The following WDPCP variants were observed in gnomAD, a reference collection of about 807,000 sequenced individuals.
The protein encoded by WDPCP is WD repeat containing planar cell polarity effector.
A neutral mutation model predicts 93.1 loss-of-function variants in WDPCP; 71 were observed. The observed-to-expected ratio is 0.76, with a 90% confidence interval of 0.63 to 0.93. The LOEUF is 0.93. Ranked by LOEUF, WDPCP falls within the 40% of genes least tolerant of loss-of-function variation. WDPCP has a pLI of 0.00. For missense variants in WDPCP, 844 were observed against 887.4 expected (o/e 0.95, Z 0.62); for synonymous variants, 315 against 315.0 (o/e 1.00, Z 0.00).
intron 12 of WDPCP, among the ~76,000 whole-genome samples, chr2:63,350,975 AT>A (rs1275587125): frequency 3.0e-5 from 2 of 66,284 alleles, no homozygotes; most frequent in Admixed American, 1.8e-4. Context: ...ATCAACATTT[AT>A]TTATTATTAT....
At position 63,313,254 on chromosome 2, in the gene WDPCP, G is replaced by A; in HGVS notation, c.1806C>T (p.Leu602=). The A allele has an allele frequency of 1.9e-6, 3 of 1,613,530 alleles. No individual in the cohort carries two copies. In the South Asian group the frequency reaches 3.3e-5, roughly 18 times the overall value. ...ATCTCTGAAAATGACTCACCATAAA[G>A]AGGTCACGAGCACCAACGTCAACAG... ...LLAVDVGARD[L]FMDIHYLALD... is the part of the protein sequence containing the mutation. The change falls in exon 13 of 18, where the codon CTC becomes CTT. Residue 602 remains leucine, a synonymous_variant. Coordinates refer to ENST00000272321, the MANE Select transcript of WDPCP (RefSeq NM_015910.7).
chr2:63,247,932 A>T (rs1680417771), intron 14 of WDPCP, among the ~76,000 whole-genome samples: 1 of 151,476 alleles, frequency 6.6e-6, no homozygotes, highest in South Asian at 2.1e-4. Flanking sequence ...CTCGATAGTT[A>T]TTTTCTCTGT....
intron 6 of WDPCP, among the ~76,000 whole-genome samples, chr2:63,480,056 T>C (rs1478885188): frequency 1.3e-5 from 2 of 151,974 alleles, no homozygotes; most frequent in African/African-American, 2.4e-5. Context: ...AATTAATGTA[T>C]ACAATCAGTA....
intron 1 of WDPCP, among the ~76,000 whole-genome samples, chr2:63,530,035 C>A (rs1424586331): frequency 6.6e-6 from 1 of 152,086 alleles, no homozygotes; most frequent in South Asian, 2.1e-4. Context: ...TCTGTGGGAT[C>A]GGTGGTGATA....
intron 6 of WDPCP, among the ~76,000 whole-genome samples, chr2:63,477,506 G>T (rs1195637259): frequency 6.6e-6 from 1 of 152,052 alleles, no homozygotes; most frequent in Non-Finnish European, 1.5e-5. Flanking sequence ...ATTCTGGGAG[G>T]TAGAAGGAAA....
intron 2 of WDPCP, among the ~76,000 whole-genome samples, chr2:63,661,540 T>C (rs1208495078): frequency 1.3e-5 from 2 of 152,212 alleles, no homozygotes; most frequent in Admixed American, 6.5e-5. Context: ...AGAATGAACA[T>C]ACTTGCTGTA....
chr2:63,709,691 G>T (rs1047027821), intron 2 of WDPCP, among the ~76,000 whole-genome samples: 4 of 152,102 alleles, frequency 2.6e-5, no homozygotes, highest in South Asian at 2.1e-4. Flanking sequence ...TTATTGTCCT[G>T]AAAGTTCTCA....
chr2:63,161,359 G>A (rs2103894924), intron 15 of WDPCP, among the ~76,000 whole-genome samples: 1 of 152,264 alleles, frequency 6.6e-6, no homozygotes, highest in East Asian at 1.9e-4. Context: ...CTGAAAGTCT[G>A]AATTTCTTAA....
At chr2:63,687,606 G>T (rs1380973130) in intron 2 of WDPCP, among the ~76,000 whole-genome samples, 1 of 152,116 alleles carries the variant, frequency 6.6e-6, no homozygotes, top group East Asian at 1.9e-4. Flanking sequence ...TTCATCATCA[G>T]CAAAATGCAA....
At chr2:63,448,936 G>A (rs1226946305) in intron 6 of WDPCP, among the ~76,000 whole-genome samples, 1 of 152,042 alleles carries the variant, frequency 6.6e-6, no homozygotes, top group African/African-American at 2.4e-5. Flanking sequence ...GAGATCTATA[G>A]TACAACACAG....
At chr2:63,422,479 TAAAC>T (rs1475688107) in intron 9 of WDPCP, among the ~76,000 whole-genome samples, 3 of 152,110 alleles carry the variant, frequency 2.0e-5, no homozygotes, top group African/African-American at 7.2e-5. Flanking sequence ...AAATAGAAAA[TAAAC>T]AGACATTTGT....
chr2:63,571,506 G>C, intron 1 of WDPCP: 1 of 469,102 alleles, frequency 2.1e-6, no homozygotes, highest in South Asian at 1.6e-5. Context: ...TTGTTTATTC[G>C]GTGATACTCC....
At chr2:63,775,809 C>A (rs1273842879) in intron 2 of WDPCP, among the ~76,000 whole-genome samples, 5 of 152,282 alleles carry the variant, frequency 3.3e-5, no homozygotes, top group African/African-American at 1.2e-4. Context: ...ACATCAAAAT[C>A]ATCTTTGAAG....
At chr2:63,273,291 A>G (rs1425777122) in intron 13 of WDPCP, among the ~76,000 whole-genome samples, 1 of 152,190 alleles carries the variant, frequency 6.6e-6, no homozygotes, top group Non-Finnish European at 1.5e-5. Flanking sequence ...ACCACCATGA[A>G]AACACATAAA....
At chr2:63,497,443 G>A (rs926384917) in intron 1 of WDPCP, among the ~76,000 whole-genome samples, 2 of 152,182 alleles carry the variant, frequency 1.3e-5, no homozygotes, top group Non-Finnish European at 2.9e-5. Context: ...TGCATTAACA[G>A]GGGAGCGGGA....
intron 14 of WDPCP, among the ~76,000 whole-genome samples, chr2:63,213,707 CA>C (rs1363101042): frequency 6.6e-6 from 1 of 151,998 alleles, no homozygotes; most frequent in Non-Finnish European, 1.5e-5. Context: ...AAAGGATCAA[CA>C]AAATTGATAG....
intron 2 of WDPCP, among the ~76,000 whole-genome samples, chr2:63,657,203 A>ATTTT (rs777283092): frequency 1.9e-5 from 1 of 53,524 alleles, no homozygotes; most frequent in African/African-American, 1.1e-4. Context: ...GTTCTGGGTG[A>ATTTT]TGTTTTTTTT....
At chr2:63,597,846 G>T in intron 3 of WDPCP, 1 of 217,882 alleles carries the variant, frequency 4.6e-6, no homozygotes, top group Non-Finnish European at 8.9e-6. Flanking sequence ...AGAAGGCACA[G>T]GATCTTCTGG....
At position 63,761,566 on chromosome 2, in the gene WDPCP, C is replaced by G. The variant is rs1670055176; in HGVS notation, n.308+52056G>C. Among the ~76,000 whole-genome samples, 2 of 151,884 alleles carry G rather than the reference C, an allele frequency of 1.3e-5. 1 individual carries two copies. Among genetic ancestry groups the G allele is most frequent in the South Asian group, 4.1e-4 (2 of 4,828 alleles). Reference sequence around the variant, plus strand: ...GGCTAAGGAGCAAGGAGAGCCAGTCCAAGTGCCAAAACTGAAGAACTTGGA... The same window carrying G: ...GGCTAAGGAGCAAGGAGAGCCAGTCGAAGTGCCAAAACTGAAGAACTTGGA... On this transcript the variant is annotated intron_variant and non_coding_transcript_variant, in intron 2 of 4. Coordinates refer to the WDPCP transcript ENST00000467687.
Sources: allele counts gnomAD v4.1 joint callset (sites outside exome capture counted in the v4.1 genomes callset), GRCh38; gene constraint gnomAD v4.1.1; transcripts MANE v1.5; gene names NCBI Gene and HGNC (gene_info 2026-07-23, HGNC 2026-07-21).